The following MOB1B variants were observed in gnomAD, a reference collection of about 807,000 sequenced individuals.
MOB1B encodes MOB1 Mps One Binder homolog B.
MOB1B carries 19 observed loss-of-function variants against 24.4 expected under a neutral mutation model. The observed-to-expected ratio is 0.78, with a 90% confidence interval of 0.54 to 1.14. The LOEUF (loss-of-function observed/expected upper bound fraction) is 1.14, where lower values mean the gene tolerates loss of function less well. Ranked by LOEUF, MOB1B falls within the 50% of genes most tolerant of loss-of-function variation. The pLI is 0.00. For synonymous variants in MOB1B, 76 were observed against 82.1 expected (o/e 0.93, Z 0.40); for missense variants, 243 against 259.6 (o/e 0.94, Z 0.44).
chr4:70,981,965 T>G lies in MOB1B; in HGVS notation c.574-15T>G. 1 of 1,553,162 alleles carries G rather than the reference T, an allele frequency of 6.4e-7. No homozygotes were observed. The highest frequency in any genetic ancestry group is 2.2e-5 in the East Asian group (1 of 44,556). On this transcript the variant is annotated splice_polypyrimidine_tract_variant and intron_variant, in intron 5 of 5. Coordinates refer to ENST00000309395, the MANE Select transcript of MOB1B (RefSeq NM_173468.4). The stretch of plus-strand genomic sequence containing the variant: ...TTTTTGCTATTTATTCTGCCTTTCT[T>G]TATATCATGCATAGGAATTCAACCT...
chr4:70,979,500 G>A lies in MOB1B; in HGVS notation c.573+209G>A, dbSNP rs964952187. The stretch of plus-strand genomic sequence containing the variant: ...GTTGATGGTATGCAAGTCTAAAATG[G>A]ATTTGAAAAGTTGTGCCTTGGATTT... On this transcript the variant is annotated intron_variant, in intron 5 of 5. Coordinates refer to ENST00000309395, the MANE Select transcript of MOB1B (RefSeq NM_173468.4). Among the ~76,000 whole-genome samples the A allele has an allele frequency of 2.6e-5, 4 of 152,106 alleles. No homozygotes were observed. The East Asian group carries it at 7.7e-4, about 29-fold the overall frequency.
chr4:70,923,297 C>G (rs1467992791), intron 1 of MOB1B, among the ~76,000 whole-genome samples: 1 of 152,096 alleles, frequency 6.6e-6, no homozygotes, highest in Non-Finnish European at 1.5e-5. Context: ...CACAGGATCC[C>G]CCAGAGCATC....
intron 4 of MOB1B, chr4:70,976,813 C>A: frequency 5.9e-6 from 1 of 168,882 alleles, no homozygotes; most frequent in Non-Finnish European, 1.1e-5. Flanking sequence ...TGAGTGTCCC[C>A]ACCTTATCTC....
intron 1 of MOB1B, among the ~76,000 whole-genome samples, chr4:70,941,148 G>A (rs918492289): frequency 6.7e-6 from 1 of 149,178 alleles, no homozygotes; most frequent in African/African-American, 2.5e-5. Context: ...ATCTCTCTTG[G>A]CTACTTTGGC....
chr4:70,967,032 A>G (rs1738559637), intron 2 of MOB1B, among the ~76,000 whole-genome samples: 1 of 152,182 alleles, frequency 6.6e-6, no homozygotes, highest in South Asian at 2.1e-4. Flanking sequence ...GATAAAGCAT[A>G]CCTATTTGCA....
intron 1 of MOB1B, among the ~76,000 whole-genome samples, chr4:70,908,990 G>A (rs1403649193): frequency 2.0e-5 from 3 of 151,358 alleles, no homozygotes; most frequent in Non-Finnish European, 4.4e-5. Flanking sequence ...GGCGGAGGTT[G>A]CAGTGAGCCG....
intron 5 of MOB1B, among the ~76,000 whole-genome samples, chr4:70,979,915 G>C (rs543501353): frequency 6.6e-6 from 1 of 152,140 alleles, no homozygotes; most frequent in East Asian, 1.9e-4. Flanking sequence ...TTCTCACCAT[G>C]CTCTAATAAT....
chr4:70,970,723 A>T (rs768610951), intron 3 of MOB1B, among the ~76,000 whole-genome samples: 1 of 152,204 alleles, frequency 6.6e-6, no homozygotes, highest in Non-Finnish European at 1.5e-5. Context: ...AACATTCATT[A>T]TAAGAATATT....
At chr4:70,912,718 C>T (rs1450755544) in intron 1 of MOB1B, among the ~76,000 whole-genome samples, 1 of 152,176 alleles carries the variant, frequency 6.6e-6, no homozygotes, top group African/African-American at 2.4e-5. Context: ...CAAAAGGATC[C>T]AGTCATGAAT....
intron 1 of MOB1B, among the ~76,000 whole-genome samples, chr4:70,934,148 G>A (rs866574613): frequency 6.6e-6 from 1 of 152,088 alleles, no homozygotes; most frequent in Non-Finnish European, 1.5e-5. Flanking sequence ...GCAGTGGCAC[G>A]ATCTCTGCTC....
chr4:70,942,153 G>A (rs972126320), intron 1 of MOB1B, among the ~76,000 whole-genome samples: 2 of 151,980 alleles, frequency 1.3e-5, no homozygotes, highest in African/African-American at 2.4e-5. Flanking sequence ...TATTAAAAAC[G>A]AAAAATCCTA....
intron 2 of MOB1B, among the ~76,000 whole-genome samples, chr4:70,962,479 T>C (rs530346101): frequency 1.3e-5 from 2 of 152,256 alleles, no homozygotes; most frequent in East Asian, 3.9e-4. Flanking sequence ...GGTGAAACAC[T>C]GGGACATCCA....
intron 2 of MOB1B, among the ~76,000 whole-genome samples, chr4:70,968,138 T>C (rs939939443): frequency 9.9e-5 from 15 of 151,692 alleles, no homozygotes; most frequent in African/African-American, 3.4e-4. Context: ...GCGTGAGCCA[T>C]CTTGCCCGGC....
chr4:70,928,530 C>T (rs1284434999), intron 1 of MOB1B, among the ~76,000 whole-genome samples: 6 of 152,006 alleles, frequency 3.9e-5, no homozygotes, highest in Admixed American at 6.6e-5. Context: ...CTCTTGACCT[C>T]GTGATCCACC....
intron 1 of MOB1B, among the ~76,000 whole-genome samples, chr4:70,905,910 T>C (rs1267681420): frequency 6.6e-6 from 1 of 150,622 alleles, no homozygotes; most frequent in Non-Finnish European, 1.5e-5. Context: ...CCCCTAAAAA[T>C]ACAAAAATTA....
chr4:70,950,855 G>T, intron 1 of MOB1B: 1 of 1,101,722 alleles, frequency 9.1e-7, no homozygotes, highest in South Asian at 1.3e-5. Context: ...TAGTAGTGAA[G>T]TTCTTAACAT....
rs1055579206 is a variant in MOB1B, at chr4:70,983,698, A to G, written c.*1641A>G. The G allele has an allele frequency of 3.3e-5, 5 of 152,564 alleles. No individual in the cohort carries two copies. Among genetic ancestry groups the G allele is most frequent in the African/African-American group, 1.2e-4 (5 of 41,464 alleles). 9.5% of individuals were successfully genotyped at this position (152,564 alleles called of 1,614,324 possible). A position where few individuals can be genotyped will look rare whatever the true frequency, so the allele number is the denominator to read the frequency against. On this transcript the variant is annotated 3_prime_UTR_variant, in exon 6 of 6. Transcript: ENST00000309395. Reference sequence around the variant, plus strand: ...ATTAAATGAATTTGTTTTGCCATTAAAGTAGAGCAGTGATACAATTTAATG... The same window carrying G: ...ATTAAATGAATTTGTTTTGCCATTAGAGTAGAGCAGTGATACAATTTAATG...
At chr4:70,929,548 A>G (rs1736794742) in intron 1 of MOB1B, among the ~76,000 whole-genome samples, 1 of 151,928 alleles carries the variant, frequency 6.6e-6, no homozygotes, top group South Asian at 2.1e-4. Flanking sequence ...TGGCCCAACA[A>G]CTGCTTATTG....
intron 1 of MOB1B, 65 bp downstream of exon 1, chr4:70,902,615 C>G: frequency 1.4e-6 from 2 of 1,457,182 alleles, no homozygotes; most frequent in South Asian, 1.3e-5. Flanking sequence ...GCCCGCCGCC[C>G]GCCGCCCGTC....
Sources: allele counts gnomAD v4.1 joint callset (sites outside exome capture counted in the v4.1 genomes callset), GRCh38; gene constraint gnomAD v4.1.1; transcripts MANE v1.5; gene names NCBI Gene and HGNC (gene_info 2026-07-23, HGNC 2026-07-21).